The following SLCO1C1 variants were observed in gnomAD, a reference collection of about 807,000 sequenced individuals.
The protein encoded by SLCO1C1 is solute carrier organic anion transporter family member 1C1, also known as OAT-RP-5.
In SLCO1C1, 70 loss-of-function variants were observed where a neutral mutation model predicts 76.4. The ratio of observed to expected loss-of-function variants is 0.92; its 90% confidence interval spans 0.76 to 1.12. The LOEUF is 1.12. Among genes scored for constraint, SLCO1C1 ranks in the 50% most tolerant of loss-of-function variants. The pLI is 0.00. For synonymous variants in SLCO1C1, 306 were observed against 286.1 expected (o/e 1.07, Z -0.70); for missense variants, 912 against 823.8 (o/e 1.11, Z -1.31).
chr12:20,703,808 A>G (rs754841832), intron 3 of SLCO1C1, among the ~76,000 whole-genome samples: 1 of 151,728 alleles, frequency 6.6e-6, no homozygotes, highest in African/African-American at 2.4e-5. Flanking sequence ...TAATTTGTTT[A>G]GGATTTTTAC....
At chr12:20,733,788 G>GT (rs1269959988) in intron 10 of SLCO1C1, among the ~76,000 whole-genome samples, 10 of 152,138 alleles carry the variant, frequency 6.6e-5, no homozygotes, top group Non-Finnish European at 1.5e-4. Context: ...CTCTCATCTT[G>GT]TATGGGGTGG....
intron 10 of SLCO1C1, among the ~76,000 whole-genome samples, chr12:20,734,564 T>G (rs1423287955): frequency 6.6e-6 from 1 of 152,178 alleles, no homozygotes; most frequent in Non-Finnish European, 1.5e-5. Context: ...TGAGTTTAGT[T>G]TTGTTATCCT....
At chr12:20,725,804 C>G (rs1279117665) in intron 9 of SLCO1C1, among the ~76,000 whole-genome samples, 1 of 151,950 alleles carries the variant, frequency 6.6e-6, no homozygotes, top group Non-Finnish European at 1.5e-5. Context: ...CTTATCAACA[C>G]TTGGAATTGT....
At chr12:20,750,881 T>G (rs1323884598) in intron 14 of SLCO1C1, 89 bp downstream of exon 14, 2 of 1,613,316 alleles carry the variant, frequency 1.2e-6, no homozygotes, top group Non-Finnish European at 1.7e-6. Flanking sequence ...TTCATGTCAT[T>G]TCACTGCTTG....
intron 14 of SLCO1C1, among the ~76,000 whole-genome samples, chr12:20,751,267 G>A (rs1212586322): frequency 1.3e-5 from 2 of 151,994 alleles, no homozygotes; most frequent in Non-Finnish European, 2.9e-5. Flanking sequence ...AATTATTCTC[G>A]TACTTGAAAT....
At chr12:20,701,778 G>T (rs1403585805) in intron 3 of SLCO1C1, among the ~76,000 whole-genome samples, 1 of 151,826 alleles carries the variant, frequency 6.6e-6, no homozygotes, top group Non-Finnish European at 1.5e-5. Flanking sequence ...ATATGTAGAA[G>T]TATCTTTACA....
intron 6 of SLCO1C1, among the ~76,000 whole-genome samples, chr12:20,716,582 A>G (rs1947369258): frequency 6.6e-6 from 1 of 152,158 alleles, no homozygotes; most frequent in Non-Finnish European, 1.5e-5. Context: ...GTTGGCCTGA[A>G]TGGTCAAGAG....
At chr12:20,745,280 C>T (rs1948989911) in intron 13 of SLCO1C1, among the ~76,000 whole-genome samples, 1 of 151,968 alleles carries the variant, frequency 6.6e-6, no homozygotes, top group Non-Finnish European at 1.5e-5. Context: ...ATAACCAAAT[C>T]TTAAACTGAA....
At chr12:20,735,104 A>G (rs1009873519) in intron 10 of SLCO1C1, among the ~76,000 whole-genome samples, 3 of 152,214 alleles carry the variant, frequency 2.0e-5, no homozygotes, top group African/African-American at 7.2e-5. Context: ...CTGATGATAA[A>G]TTAAACTTTC....
At chr12:20,749,521 A>C (rs561672352) in intron 13 of SLCO1C1, among the ~76,000 whole-genome samples, 7 of 152,314 alleles carry the variant, frequency 4.6e-5, no homozygotes, top group African/African-American at 1.7e-4. Context: ...CTAACTAAAA[A>C]ACAAAATCCC....
At chr12:20,709,565 T>A (rs1565505254) in intron 4 of SLCO1C1, among the ~76,000 whole-genome samples, 2 of 152,200 alleles carry the variant, frequency 1.3e-5, no homozygotes, top group Non-Finnish European at 2.9e-5. Context: ...ATTTCAATGC[T>A]AAATGTTCTC....
In SLCO1C1 at chr12:20,722,082, AT is replaced by A. The variant is rs768926502; in HGVS notation, c.1021+38del. ...AAATTCTTGATTTTGAAGTATTTTC[AT>A]TTTTCTGTTGGGGCTTAAGGAGATT... On this transcript the variant is annotated intron_variant, in intron 8 of 14. Transcript: ENST00000266509. The A allele has an allele frequency of 6.9e-6, 11 of 1,597,538 alleles. No individual in the cohort carries two copies. The South Asian group carries it at 1.1e-4, about 16-fold the overall frequency.
intron 7 of SLCO1C1, 60 bp downstream of exon 7, chr12:20,717,290 G>A: frequency 7.6e-7 from 1 of 1,313,232 alleles, no homozygotes; most frequent in South Asian, 1.4e-5. Flanking sequence ...TTTTTAATGG[G>A]AACAGTGTGG....
rs992124996 is a variant in SLCO1C1 at position 20,752,238 on chromosome 12, T to C, written c.1917-68T>C. On this transcript the variant is annotated intron_variant, in intron 14 of 14. Transcript: ENST00000266509. The stretch of plus-strand genomic sequence containing the variant: ...AAAGAAAACCATCAGTATGATATTA[T>C]TACCTTTTAAATTTTCTTTCAAGTT... 2.1e-5 allele frequency: 22 copies of C among 1,062,020 alleles called. No homozygotes were observed. The Admixed American group carries it at 3.2e-4, about 15-fold the overall frequency. The allele number at this position is 1,062,020 out of a possible 1,614,324, so 65.8% of individuals were successfully genotyped here.
At chr12:20,730,351 T>A (rs558064764) in intron 9 of SLCO1C1, among the ~76,000 whole-genome samples, 1 of 152,074 alleles carries the variant, frequency 6.6e-6, no homozygotes, top group South Asian at 2.1e-4. Flanking sequence ...TATATCAAAT[T>A]CATAGCAGCA....
At chr12:20,710,226 G>C (rs1260335609) in intron 4 of SLCO1C1, among the ~76,000 whole-genome samples, 1 of 25,638 alleles carries the variant, frequency 3.9e-5, no homozygotes, top group East Asian at 1.2e-3. Flanking sequence ...TTTTTTTTTT[G>C]AGATGGAGTC....
intron 2 of SLCO1C1, 92 bp from the exon 3 acceptor site, chr12:20,701,226 T>C (rs1178430867): frequency 1.6e-6 from 2 of 1,215,660 alleles, no homozygotes; most frequent in South Asian, 2.6e-5. Flanking sequence ...TTGTTCTTTG[T>C]TGTTTGTTTT....
In SLCO1C1 at chr12:20,723,079, T is replaced by C. The variant is rs749292171; in HGVS notation, c.1022-11T>C. 2 of 1,603,188 alleles carry C rather than the reference T, an allele frequency of 1.2e-6. No homozygotes were observed. The highest frequency in any genetic ancestry group is 1.7e-6 in the Non-Finnish European group (2 of 1,175,264). ...CAACTTTAATTAGTCTATGTTATTT[T>C]TGTTTTACAGATTTTCTTCCATCAC... On this transcript the variant is annotated splice_polypyrimidine_tract_variant and intron_variant, in intron 8 of 14. Transcript: ENST00000266509.
chr12:20,743,597 T>G (rs1948916451), intron 13 of SLCO1C1, among the ~76,000 whole-genome samples: 1 of 152,158 alleles, frequency 6.6e-6, no homozygotes, highest in Non-Finnish European at 1.5e-5. Flanking sequence ...ACAACAGAGA[T>G]TTTGTGAAAT....
Sources: gnomAD v4.1 joint callset for allele counts (sites outside exome capture counted in the v4.1 genomes callset) on GRCh38, gnomAD v4.1.1 for gene constraint, MANE v1.5 for transcripts, NCBI Gene and HGNC (gene_info 2026-07-23, HGNC 2026-07-21) for gene names.